Variants in DLGAP2 observed in about 807,000 individuals in gnomAD.
The protein encoded by DLGAP2 is DLG associated protein 2, also known as disks large-associated protein 2.
DLGAP2 carries 26 observed loss-of-function variants against 100.3 expected under a neutral mutation model. The observed-to-expected ratio is 0.26, with a 90% confidence interval of 0.19 to 0.36. The LOEUF (loss-of-function observed/expected upper bound fraction) is 0.36. Ranked by LOEUF, DLGAP2 falls within the 10% of genes least tolerant of loss-of-function variation. The probability of loss-of-function intolerance (pLI) is 1.00; values close to 1 mark genes in which losing one functional copy is unlikely to be tolerated. For missense variants in DLGAP2, 1,858 were observed against 1,453.2 expected, an observed-to-expected ratio of 1.28 and a Z score of -4.53; for synonymous variants, 886 against 630.1, an observed-to-expected ratio of 1.41 and a Z score of -6.08.
At chr8:1,051,596 G>C (rs1244363813) in intron 2 of DLGAP2, among the ~76,000 whole-genome samples, 1 of 152,204 alleles carries the variant, frequency 6.6e-6, no homozygotes, top group Non-Finnish European at 1.5e-5. Context: ...TTGCTACTAT[G>C]TAATTTTATC....
intron 12 of DLGAP2, among the ~76,000 whole-genome samples, chr8:1,686,454 G>T (rs149597473): frequency 0.21 from 31,285 of 152,076 alleles, 3,319 homozygotes; most frequent in South Asian, 0.3. Context: ...GATCACCTGA[G>T]GTCAGGAGTT....
intron 3 of DLGAP2, among the ~76,000 whole-genome samples, chr8:1,494,010 G>A (rs530386277): frequency 2.7e-4 from 41 of 151,506 alleles, no homozygotes; most frequent in African/African-American, 9.4e-4. Context: ...CATGCCAGGA[G>A]GACGCAGGGC....
At chr8:1,027,087 T>C (rs188370961) in intron 2 of DLGAP2, among the ~76,000 whole-genome samples, 1 of 152,342 alleles carries the variant, frequency 6.6e-6, no homozygotes, top group East Asian at 1.9e-4. Context: ...TCTTTATTTC[T>C]AGTATTTAGG....
At chr8:1,582,600 C>CA (rs1795970172) in intron 6 of DLGAP2, among the ~76,000 whole-genome samples, 5 of 150,890 alleles carry the variant, frequency 3.3e-5, no homozygotes, top group Non-Finnish European at 4.4e-5. Flanking sequence ...CTTTTCTTTT[C>CA]CCCCGCCAAG....
intron 6 of DLGAP2, among the ~76,000 whole-genome samples, chr8:1,610,637 G>A (rs1796964887): frequency 1.5e-5 from 2 of 129,320 alleles, no homozygotes; most frequent in Admixed American, 7.9e-5. Flanking sequence ...TTGATAGACC[G>A]CTAGCAAGAC....
At chr8:1,154,755 GGCCGGGCACCCTCTATAGTCCT>G in intron 2 of DLGAP2, among the ~76,000 whole-genome samples, 1 of 152,196 alleles carries the variant, frequency 6.6e-6, no homozygotes, top group East Asian at 1.9e-4. Context: ...TCCTTACTGT[GGCCGGGCACCCTCTATAGTCCT>G]GCCGTCCATC....
rs1226451846 is a variant in DLGAP2 at position 785,799 on chromosome 8, CTCCCTCCTCCCCTCA to C, written c.18+47975_18+47989del. Among the ~76,000 whole-genome samples the C allele has an allele frequency of 6.9e-3, 318 of 46,126 alleles. 20 individuals carry two copies. The highest frequency in any genetic ancestry group is 0.033 in the Middle Eastern group (2 of 60). The allele number at this position is 46,126 out of a possible 152,430, so 30.3% of individuals were successfully genotyped here. A position where few individuals can be genotyped will look rare whatever the true frequency, so the allele number is the denominator to read the frequency against. On this transcript the variant is annotated intron_variant, in intron 1 of 14. Coordinates refer to ENST00000637795, the MANE Select transcript of DLGAP2 (RefSeq NM_001346810.2). ...CCCCTCAGGCCCCTCTGAGACCGGC[CTCCCTCCTCCCCTCA>C]GGCTCCTCTGAGACCGGCCTCCCTC...
intron 2 of DLGAP2, among the ~76,000 whole-genome samples, chr8:1,224,169 C>T (rs1337892205): frequency 7.9e-5 from 12 of 152,096 alleles, no homozygotes; most frequent in Non-Finnish European, 1.6e-4. Context: ...AGAGGAATTG[C>T]AAGAAAATGA....
intron 1 of DLGAP2, among the ~76,000 whole-genome samples, chr8:841,266 T>C (rs778923972): frequency 9.2e-5 from 14 of 152,194 alleles, no homozygotes; most frequent in Non-Finnish European, 1.6e-4. Flanking sequence ...GATGAACTCA[T>C]GCATGGCGCA....
intron 2 of DLGAP2, among the ~76,000 whole-genome samples, chr8:1,159,458 G>A (rs763097111): frequency 6.6e-6 from 1 of 152,164 alleles, no homozygotes; most frequent in Non-Finnish European, 1.5e-5. Flanking sequence ...CAATTAATAC[G>A]CAGTTATCAG....
intron 6 of DLGAP2, among the ~76,000 whole-genome samples, chr8:1,603,833 C>T (rs997965865): frequency 6.6e-6 from 1 of 152,072 alleles, no homozygotes; most frequent in Non-Finnish European, 1.5e-5. Context: ...CCTCCCCATG[C>T]GTCCTGCTGG....
intron 1 of DLGAP2, among the ~76,000 whole-genome samples, chr8:875,495 G>A (rs1301936145): frequency 2.0e-5 from 3 of 152,190 alleles, no homozygotes; most frequent in Admixed American, 6.5e-5. Context: ...CCTTTCCCTC[G>A]GCTCTCATTC....
At chr8:1,322,851 T>G (rs1304076610) in intron 3 of DLGAP2, among the ~76,000 whole-genome samples, 1 of 152,228 alleles carries the variant, frequency 6.6e-6, no homozygotes, top group Non-Finnish European at 1.5e-5. Context: ...TAGGTTTCTA[T>G]GATGTATCAT....
intron 2 of DLGAP2, among the ~76,000 whole-genome samples, chr8:983,755 A>G (rs533491634): frequency 2.0e-5 from 3 of 152,098 alleles, no homozygotes; most frequent in Non-Finnish European, 4.4e-5. Flanking sequence ...CAATCCTTTC[A>G]CCGCAGCCTC....
chr8:768,393 G>C (rs1821268201), intron 1 of DLGAP2, among the ~76,000 whole-genome samples: 1 of 150,140 alleles, frequency 6.7e-6, no homozygotes, highest in Non-Finnish European at 1.5e-5. Flanking sequence ...ATGGACTTCA[G>C]CATGAACCAG....
chr8:1,422,109 T>A (rs1168620809), intron 3 of DLGAP2, among the ~76,000 whole-genome samples: 2 of 152,154 alleles, frequency 1.3e-5, no homozygotes, highest in Non-Finnish European at 2.9e-5. Flanking sequence ...TCAGAGCACC[T>A]GGACAAGGTG....
At chr8:1,484,291 A>G (rs893901697) in intron 3 of DLGAP2, among the ~76,000 whole-genome samples, 3 of 152,278 alleles carry the variant, frequency 2.0e-5, no homozygotes, top group African/African-American at 7.2e-5. Context: ...GCCTGGTCCA[A>G]CAGAGTCAAT....
intron 2 of DLGAP2, among the ~76,000 whole-genome samples, chr8:946,100 C>T (rs1799312588): frequency 6.6e-6 from 1 of 152,046 alleles, no homozygotes. Context: ...ATTTGTGTGT[C>T]CCTGTGATTG....
chr8:1,009,775 C>G (rs755833868), intron 2 of DLGAP2, among the ~76,000 whole-genome samples: 14 of 152,230 alleles, frequency 9.2e-5, no homozygotes, highest in Non-Finnish European at 1.8e-4. Context: ...CTAGACCTTG[C>G]TCACATAATC....
Sources: gnomAD v4.1 joint callset for allele counts (sites outside exome capture counted in the v4.1 genomes callset) on GRCh38, gnomAD v4.1.1 for gene constraint, MANE v1.5 for transcripts, NCBI Gene and HGNC (gene_info 2026-07-23, HGNC 2026-07-21) for gene names.